Variants in ANXA4 observed in about 807,000 individuals in gnomAD.
ANXA4 encodes the protein 35-beta calcimedin.
ANXA4 carries 39 observed loss-of-function variants against 49.8 expected under a neutral mutation model. The observed-to-expected ratio is 0.78, with a 90% CI of 0.61 to 1.02. ANXA4 has a LOEUF of 1.02. ANXA4 is among the 50% of genes least tolerant of loss of function. ANXA4 has a pLI of 0.00. For synonymous variants in ANXA4, 134 were observed against 152.5 expected (o/e 0.88, Z 0.89); for missense variants, 360 against 410.1 (o/e 0.88, Z 1.05).
At chr2:69,825,186 A>T (rs1324380947) in intron 12 of ANXA4, among the ~76,000 whole-genome samples, 1 of 152,124 alleles carries the variant, frequency 6.6e-6, no homozygotes, top group Non-Finnish European at 1.5e-5. Flanking sequence ...TTGGGTATCT[A>T]GATACATAGA....
intron 6 of ANXA4, 189 bp downstream of exon 6, chr2:69,808,185 C>A (rs769075538): frequency 1.7e-6 from 1 of 580,096 alleles, no homozygotes; most frequent in Non-Finnish European, 3.1e-6. Context: ...CTTAAGATTT[C>A]TCAGGTGAAG....
chr2:69,650,677 C>T (rs1056887902), intron 1 of ANXA4, among the ~76,000 whole-genome samples: 1 of 152,176 alleles, frequency 6.6e-6, no homozygotes, highest in Admixed American at 6.5e-5. Flanking sequence ...TGATCTTGAA[C>T]TCCTGGCCTC....
At chr2:69,788,222 C>A in intron 3 of ANXA4, 81 bp downstream of exon 3, 2 of 1,285,478 alleles carry the variant, frequency 1.6e-6, no homozygotes, top group Non-Finnish European at 2.3e-6. Context: ...TGTCTGCTGG[C>A]CATCACGTGG....
At chr2:69,810,398 C>T in intron 6 of ANXA4, 196 bp from the exon 7 acceptor site, 7 of 569,294 alleles carry the variant, frequency 1.2e-5, no homozygotes, top group South Asian at 6.2e-5. Flanking sequence ...ACAGGAATAT[C>T]GTGTGACAGG....
At chr2:69,726,514 C>G (rs554911171) in intron 3 of ANXA4, among the ~76,000 whole-genome samples, 1 of 152,274 alleles carries the variant, frequency 6.6e-6, no homozygotes, top group East Asian at 1.9e-4. Context: ...AGATTGACTT[C>G]TTTAATATAA....
At chr2:69,692,008 C>A (rs1000028386) in intron 2 of ANXA4, among the ~76,000 whole-genome samples, 2 of 152,198 alleles carry the variant, frequency 1.3e-5, no homozygotes, top group Non-Finnish European at 2.9e-5. Context: ...GCCTCAGCCT[C>A]CCAAGTAGCT....
chr2:69,745,852 A>T (rs546939609), intron 1 of ANXA4, among the ~76,000 whole-genome samples: 1 of 152,118 alleles, frequency 6.6e-6, no homozygotes, highest in South Asian at 2.1e-4. Context: ...CTTTAGAAAC[A>T]CTTATATGAA....
intron 1 of ANXA4, among the ~76,000 whole-genome samples, chr2:69,765,998 A>T (rs1217552667): frequency 6.6e-6 from 1 of 152,230 alleles, no homozygotes; most frequent in Non-Finnish European, 1.5e-5. Context: ...AAATTTAGAA[A>T]CAGGAAAGTA....
chr2:69,763,824 G>A (rs2105533020), intron 1 of ANXA4, among the ~76,000 whole-genome samples: 1 of 151,984 alleles, frequency 6.6e-6, no homozygotes, highest in East Asian at 1.9e-4. Flanking sequence ...CACCACGCCT[G>A]GCTAATTTTT....
chr2:69,786,811 T>C (rs1672435173), intron 2 of ANXA4, among the ~76,000 whole-genome samples: 1 of 151,834 alleles, frequency 6.6e-6, no homozygotes, highest in Non-Finnish European at 1.5e-5. Context: ...AGTCTCCACC[T>C]CCTGGGCTCA....
chr2:69,705,931 C>CA (rs1678480644), intron 2 of ANXA4, among the ~76,000 whole-genome samples: 1 of 151,754 alleles, frequency 6.6e-6, no homozygotes, highest in Admixed American at 6.6e-5. Flanking sequence ...GACTTTGTCT[C>CA]AAAAAACAAA....
chr2:69,754,666 A>T (rs1224867057), intron 1 of ANXA4, among the ~76,000 whole-genome samples: 1 of 152,182 alleles, frequency 6.6e-6, no homozygotes, highest in Non-Finnish European at 1.5e-5. Flanking sequence ...GTCCCAGGTG[A>T]TGGTGATGCT....
chr2:69,646,708 G>C (rs1297687045), intron 1 of ANXA4, among the ~76,000 whole-genome samples: 1 of 152,196 alleles, frequency 6.6e-6, no homozygotes. Flanking sequence ...CACTTGAAGA[G>C]TAAACCATCT....
chr2:69,654,817 A>G (rs1676376125), intron 2 of ANXA4, among the ~76,000 whole-genome samples: 1 of 152,228 alleles, frequency 6.6e-6, no homozygotes, highest in Admixed American at 6.5e-5. Context: ...TAGTACTGGT[A>G]CCAAAACAGA....
At chr2:69,659,620 G>T (rs1177000933) in intron 2 of ANXA4, among the ~76,000 whole-genome samples, 2 of 152,122 alleles carry the variant, frequency 1.3e-5, no homozygotes, top group Non-Finnish European at 2.9e-5. Context: ...TAAGAATCAT[G>T]TATAAAAATC....
At chr2:69,761,612 G>A (rs763669137) in intron 1 of ANXA4, among the ~76,000 whole-genome samples, 21 of 151,792 alleles carry the variant, frequency 1.4e-4, no homozygotes, top group Admixed American at 1.4e-3. Flanking sequence ...CATCAGTAAC[G>A]TGCCTTTGTT....
chr2:69,662,895 A>G (rs1320025816), intron 2 of ANXA4, among the ~76,000 whole-genome samples: 1 of 152,166 alleles, frequency 6.6e-6, no homozygotes, highest in Non-Finnish European at 1.5e-5. Context: ...CTCATGTACT[A>G]TAAGTATGTC....
intron 1 of ANXA4, among the ~76,000 whole-genome samples, chr2:69,754,253 C>T (rs920105971): frequency 2.0e-5 from 3 of 152,154 alleles, no homozygotes; most frequent in Non-Finnish European, 4.4e-5. Context: ...TTTCCTCATA[C>T]TTGATGTAAG....
intron 1 of ANXA4, among the ~76,000 whole-genome samples, chr2:69,757,839 G>T (rs190391307): frequency 1.3e-5 from 2 of 151,354 alleles, no homozygotes; most frequent in Non-Finnish European, 2.9e-5. Flanking sequence ...TGTGCCTATA[G>T]TCCCAGCTAC....
Sources: allele counts gnomAD v4.1 joint callset (sites outside exome capture counted in the v4.1 genomes callset), GRCh38; gene constraint gnomAD v4.1.1; transcripts MANE v1.5; gene names NCBI Gene and HGNC (gene_info 2026-07-23, HGNC 2026-07-21).